Variants in KCNMB2 observed in about 807,000 individuals in gnomAD.
KCNMB2 encodes calcium-activated potassium channel subunit beta-2.
Under a neutral mutation model 24.5 loss-of-function variants are expected in KCNMB2, and 9 were observed. The observed-to-expected ratio is 0.37, with a 90% CI of 0.22 to 0.64. The LOEUF (loss-of-function observed/expected upper bound fraction) is 0.64. Among genes scored for constraint, KCNMB2 ranks in the 30% least tolerant of loss-of-function variants. The pLI, the probability that KCNMB2 is intolerant of heterozygous loss-of-function variation, is 0.63. For missense variants in KCNMB2, 226 were observed against 284.3 expected, an observed-to-expected ratio of 0.79 and a Z score of 1.47; for synonymous variants, 109 against 104.4, an observed-to-expected ratio of 1.04 and a Z score of -0.27.
chr3:178,806,765 C>T (rs1041232153), intron 1 of KCNMB2, among the ~76,000 whole-genome samples: 2 of 152,052 alleles, frequency 1.3e-5, no homozygotes, highest in East Asian at 1.9e-4. Context: ...ATAAACCTGG[C>T]TTCTCCAGAA....
chr3:178,811,188 T>C (rs1714178122), intron 2 of KCNMB2, among the ~76,000 whole-genome samples: 1 of 152,204 alleles, frequency 6.6e-6, no homozygotes, highest in African/African-American at 2.4e-5. Flanking sequence ...ATTGAAGTGA[T>C]ACAAATGAAT....
intron 1 of KCNMB2, among the ~76,000 whole-genome samples, chr3:178,610,754 C>A (rs1433404252): frequency 3.9e-5 from 6 of 152,184 alleles, no homozygotes; most frequent in Admixed American, 3.9e-4. Context: ...TCTTGTCTGA[C>A]TGCTCTAGCT....
At chr3:178,569,152 A>G (rs9848437) in intron 1 of KCNMB2, among the ~76,000 whole-genome samples, 58,495 of 151,830 alleles carry the variant, frequency 0.39, 12,132 homozygotes, top group African/African-American at 0.56. Flanking sequence ...TTCCCCATGT[A>G]TTAGGAATAA....
chr3:178,569,336 A>G (rs1716684279), intron 1 of KCNMB2, among the ~76,000 whole-genome samples: 1 of 152,182 alleles, frequency 6.6e-6, no homozygotes. Context: ...TTAGAAACAT[A>G]GCACATTCTA....
At chr3:178,727,519 G>A (rs879264911) in intron 1 of KCNMB2, among the ~76,000 whole-genome samples, 4 of 152,066 alleles carry the variant, frequency 2.6e-5, no homozygotes, top group Non-Finnish European at 4.4e-5. Context: ...TTATCCTTGT[G>A]AGCCCAATCT....
chr3:178,621,312 T>C (rs1718912689), intron 1 of KCNMB2, among the ~76,000 whole-genome samples: 1 of 152,054 alleles, frequency 6.6e-6, no homozygotes, highest in African/African-American at 2.4e-5. Flanking sequence ...TGGCCTTTTC[T>C]CTGTTTCTAG....
chr3:178,586,010 A>T (rs913829437), intron 1 of KCNMB2, among the ~76,000 whole-genome samples: 1 of 152,188 alleles, frequency 6.6e-6, no homozygotes, highest in Admixed American at 6.5e-5. Flanking sequence ...TCTGTATGGT[A>T]AAGTGGTATA....
chr3:178,833,919 C>T (rs1349425334), intron 4 of KCNMB2, among the ~76,000 whole-genome samples: 1 of 152,094 alleles, frequency 6.6e-6, no homozygotes, highest in Non-Finnish European at 1.5e-5. Context: ...CCCTGCCTCC[C>T]TTGGCTACAA....
At chr3:178,793,856 C>G (rs1488431195) in intron 1 of KCNMB2, among the ~76,000 whole-genome samples, 1 of 152,064 alleles carries the variant, frequency 6.6e-6, no homozygotes, top group East Asian at 1.9e-4. Context: ...CCCTCCCAGT[C>G]TACAGTGTGT....
chr3:178,730,490 T>C (rs1723114182), intron 1 of KCNMB2, among the ~76,000 whole-genome samples: 1 of 151,136 alleles, frequency 6.6e-6, no homozygotes, highest in African/African-American at 2.4e-5. Flanking sequence ...GATCTCTTTG[T>C]TTCCACCCTT....
At chr3:178,639,967 A>G (rs1719664657) in intron 1 of KCNMB2, among the ~76,000 whole-genome samples, 2 of 152,346 alleles carry the variant, frequency 1.3e-5, no homozygotes, top group Middle Eastern at 6.8e-3. Flanking sequence ...AGTAGGAAAG[A>G]AAAAGATTTC....
At chr3:178,690,171 G>T (rs1721620468) in intron 1 of KCNMB2, among the ~76,000 whole-genome samples, 1 of 152,152 alleles carries the variant, frequency 6.6e-6, no homozygotes, top group Admixed American at 6.5e-5. Flanking sequence ...AAAATCATGT[G>T]AATCTTATCA....
chr3:178,722,908 CCA>C lies in KCNMB2; in HGVS notation c.-67-84433_-67-84432del, dbSNP rs200584136. On this transcript the variant is annotated intron_variant, in intron 1 of 4. Coordinates refer to ENST00000452583, the MANE Select transcript of KCNMB2 (RefSeq NM_181361.3). ...ACCCTGTCTTAAAGAAAAAAAGTTC[CCA>C]CCTTTGCATTGGGGATTAAATTAAC... Among the ~76,000 whole-genome samples the C allele has an allele frequency of 4.2e-3, 642 of 152,152 alleles. 3 individuals carry two copies. Among genetic ancestry groups the C allele is most frequent in the African/African-American group, 0.015 (605 of 41,534 alleles).
At chr3:178,745,601 A>G (rs1437507391) in intron 1 of KCNMB2, among the ~76,000 whole-genome samples, 1 of 152,198 alleles carries the variant, frequency 6.6e-6, no homozygotes, top group Non-Finnish European at 1.5e-5. Context: ...GTATTAACTA[A>G]AAGGTCTACA....
At chr3:178,614,275 A>ATATATATATATATATATATATATATG (rs1718611984) in intron 1 of KCNMB2, among the ~76,000 whole-genome samples, 1 of 66,832 alleles carries the variant, frequency 1.5e-5, no homozygotes, top group Non-Finnish European at 3.0e-5. Flanking sequence ...ATATATATAT[A>ATATATATATATATATATATATATATG]TATATATATA....
chr3:178,757,334 A>G (rs1359008374), intron 1 of KCNMB2, among the ~76,000 whole-genome samples: 1 of 102,744 alleles, frequency 9.7e-6, no homozygotes, highest in Non-Finnish European at 1.9e-5. Context: ...ATATATATGT[A>G]TATATATCCA....
intron 1 of KCNMB2, among the ~76,000 whole-genome samples, chr3:178,688,596 C>T (rs1363786527): frequency 6.6e-6 from 1 of 152,016 alleles, no homozygotes; most frequent in East Asian, 1.9e-4. Flanking sequence ...ATCCCAGAGG[C>T]CTGAAATGGT....
intron 1 of KCNMB2, among the ~76,000 whole-genome samples, chr3:178,759,296 CAT>C (rs1467058925): frequency 1.0e-5 from 1 of 96,740 alleles, no homozygotes; most frequent in African/African-American, 4.3e-5. Flanking sequence ...CAAGAGGAGA[CAT>C]ATATATATCT....
At chr3:178,573,744 C>T (rs1716891683) in intron 1 of KCNMB2, among the ~76,000 whole-genome samples, 1 of 58,486 alleles carries the variant, frequency 1.7e-5, no homozygotes, top group Non-Finnish European at 2.9e-5. Context: ...GAGACCCTGT[C>T]TCAAAAAAAA....
Sources: allele counts gnomAD v4.1 joint callset (sites outside exome capture counted in the v4.1 genomes callset), GRCh38; gene constraint gnomAD v4.1.1; transcripts MANE v1.5; gene names NCBI Gene and HGNC (gene_info 2026-07-23, HGNC 2026-07-21).